Variants in CIRBP observed in about 807,000 individuals in gnomAD.
CIRBP encodes cold inducible RNA binding protein, also known as cold-inducible RNA-binding protein.
In CIRBP, 11 loss-of-function variants were observed where a neutral mutation model predicts 22.3. That is an observed-to-expected ratio of 0.49 (90% CI 0.31 to 0.82). The LOEUF is 0.82. Ranked by LOEUF, CIRBP falls within the 40% of genes least tolerant of loss-of-function variation. The pLI is 0.05. For synonymous variants in CIRBP, 216 were observed against 158.8 expected, an observed-to-expected ratio of 1.36 and a Z score of -2.71; for missense variants, 456 against 402.7, an observed-to-expected ratio of 1.13 and a Z score of -1.13.
chr19:1,269,937 G>A (rs368251559), intron 1 of CIRBP: 8 of 519,870 alleles, frequency 1.5e-5, no homozygotes, highest in Non-Finnish European at 3.1e-5. Context: ...GCCACGTCGT[G>A]CTTTGCGCCC....
chr19:1,274,431 C>T lies in CIRBP; in HGVS notation c.*1988C>T, dbSNP rs1461621709. The T allele has an allele frequency of 2.5e-6, 1 of 399,256 alleles. No individual in the cohort carries two copies. Among genetic ancestry groups the T allele is most frequent in the Non-Finnish European group, 4.4e-6 (1 of 225,388 alleles). 24.7% of individuals were successfully genotyped at this position (399,256 alleles called of 1,614,324 possible). Reference sequence around the variant, plus strand: ...TGGAGGCAGCCGCTTGCCCAGGAGGCTTGTCCCCTGTAAGTGCTTTCGGGA... The same window carrying T: ...TGGAGGCAGCCGCTTGCCCAGGAGGTTTGTCCCCTGTAAGTGCTTTCGGGA... On this transcript the variant is annotated 3_prime_UTR_variant, in exon 6 of 6. Coordinates refer to ENST00000587896, the MANE Select transcript of CIRBP (RefSeq NM_001300829.2).
rs2145526833 is a variant in CIRBP at position 1,271,033 on chromosome 19, G to A, written c.100G>A (p.Glu34Lys). 18 of 1,613,914 alleles carry A rather than the reference G, an allele frequency of 1.1e-5. No homozygotes were observed. Among genetic ancestry groups the A allele is most frequent in the Non-Finnish European group, 1.5e-5 (18 of 1,179,892 alleles). The change falls in exon 2 of 6, where the codon GAA becomes AAA. Residue 34 changes from glutamate to lysine, a missense_variant. By Grantham distance (56) the Glu-to-Lys change is moderately conservative. Coordinates refer to ENST00000587896, the MANE Select transcript of CIRBP (RefSeq NM_001300829.2). ...QVFSKYGQIS[E>K]VVVVKDRETQ... is the part of the protein sequence containing the mutation. ...CTTCTCAAAGTACGGACAGATCTCT[G>A]AAGGTGAGGCTGCTGCTGGGCCCGC...
chr19:1,271,624 C>T lies in CIRBP; in HGVS notation c.423C>T (p.Tyr141=), dbSNP rs750484380. The T allele has an allele frequency of 9.1e-6, 14 of 1,537,952 alleles. No homozygotes were observed. Among genetic ancestry groups the T allele is most frequent in the South Asian group, 4.8e-5 (4 of 84,104 alleles). ...RSGGYGGSRD[Y]YSSRSQSGGY... is the part of the protein sequence containing the mutation. ...GGGGCTACGGAGGCTCCAGAGACTACTATAGCAGGTGAGGGGGAGGCCGGC... is the reference window on the plus strand; with the variant it reads ...GGGGCTACGGAGGCTCCAGAGACTATTATAGCAGGTGAGGGGGAGGCCGGC... The change falls in exon 5 of 6, where the codon TAC becomes TAT. Residue 141 remains tyrosine, a synonymous_variant. Coordinates refer to ENST00000587896, the MANE Select transcript of CIRBP (RefSeq NM_001300829.2).
In CIRBP at chr19:1,272,490, A is replaced by G. The variant is rs2081359984; in HGVS notation, c.*47A>G. 1 of 1,432,678 alleles carries G rather than the reference A, an allele frequency of 7.0e-7. No homozygotes were observed. The highest frequency in any genetic ancestry group is 9.5e-7 in the Non-Finnish European group (1 of 1,057,168). 88.7% of individuals were successfully genotyped at this position (1,432,678 alleles called of 1,614,324 possible). A position where few individuals can be genotyped will look rare whatever the true frequency, so the allele number is the denominator to read the frequency against. Reference sequence around the variant, plus strand: ...GTCCTTCCAATGGCTGTGTGTTTAAAGATTGTGGGAGCTTCGCTGAACGTT... The same window carrying G: ...GTCCTTCCAATGGCTGTGTGTTTAAGGATTGTGGGAGCTTCGCTGAACGTT... On this transcript the variant is annotated 3_prime_UTR_variant, in exon 6 of 6. Coordinates refer to ENST00000587896, the MANE Select transcript of CIRBP (RefSeq NM_001300829.2).
rs1297490887 is a variant in CIRBP, at chr19:1,271,579, C to T, written c.378C>T (p.Asn126=). 23 of 1,576,192 alleles carry T rather than the reference C, an allele frequency of 1.5e-5. No individual in the cohort carries two copies. The highest frequency in any genetic ancestry group is 1.5e-5 in the Non-Finnish European group (18 of 1,162,816). ...RGGGDRGYGG[N]RFESRSGGYG... is the part of the protein sequence containing the mutation. The stretch of plus-strand genomic sequence containing the variant: ...GAGGGGACCGAGGCTATGGGGGGAA[C>T]CGGTTCGAGTCCAGGAGTGGGGGCT... The change falls in exon 5 of 6, where the codon AAC becomes AAT. Residue 126 remains asparagine (N), a synonymous_variant. Coordinates refer to ENST00000587896, the MANE Select transcript of CIRBP (RefSeq NM_001300829.2).
chr19:1,272,247 AGGGAGAGCGAGGG>A lies in CIRBP; in HGVS notation c.699_711del (p.Lys233AsnfsTer38). On this transcript the variant is annotated frameshift_variant, in exon 6 of 6. Transcript: ENST00000587896. LOFTEE classifies it low-confidence loss of function (END_TRUNC). The stretch of plus-strand genomic sequence containing the variant: ...CCAAATGAGACTGACCAAAAAGGCA[AGGGAGAGCGAGGG>A]CCCGCTGGGCAGTCAGCTAGGTGCA... 1 of 1,605,892 alleles carries A rather than the reference AGGGAGAGCGAGGG, an allele frequency of 6.2e-7. No individual in the cohort carries two copies. Among genetic ancestry groups the A allele is most frequent in the East Asian group, 2.2e-5 (1 of 44,824 alleles).
At position 1,272,147 on chromosome 19, in the gene CIRBP, A is replaced by G. The variant is rs1251978543; in HGVS notation, c.598A>G (p.Arg200Gly). 1.2e-6 allele frequency: 2 copies of G among 1,611,652 alleles called. No homozygotes were observed. The highest frequency in any genetic ancestry group is 1.3e-5 in the African/African-American group (1 of 74,912). ...TCCAAGCACTTTAGGCTGGACACTC[A>G]GACCTTGTCACTGTGCTTGCCCAGA... is the stretch of plus-strand genomic sequence containing the variant. ...PSPSTLGWTL[R>G]PCHCACPEEA... Residue 200 changes from arginine to glycine, a missense_variant, in exon 6 of 6, where the codon AGA becomes GGA. Coordinates refer to ENST00000587896, the MANE Select transcript of CIRBP (RefSeq NM_001300829.2).
Position 1,272,295 on chromosome 19 carries a change from G to A in CIRBP, c.746G>A (p.Arg249His), listed in dbSNP as rs751397471. ...AGQSARCMCG[R>H]RPASLGCGGW... Reference sequence around the variant, plus strand: ...CAGTCAGCTAGGTGCATGTGTGGCCGCAGGCCAGCCTCCCTCGGCTGTGGG... The same window carrying A: ...CAGTCAGCTAGGTGCATGTGTGGCCACAGGCCAGCCTCCCTCGGCTGTGGG... Residue 249 changes from arginine to histidine, a missense_variant, in exon 6 of 6, where the codon CGC becomes CAC. Physicochemically the swap from Arg to His is conservative, Grantham distance 29. Around this residue, in one of 2 missense-constraint regions of CIRBP, gnomAD observed 426 missense variants for 339.6 expected, o/e 1.25. Coordinates refer to ENST00000587896, the MANE Select transcript of CIRBP (RefSeq NM_001300829.2). 3.5e-5 allele frequency: 57 copies of A among 1,613,180 alleles called. No homozygotes were observed. Among genetic ancestry groups the A allele is most frequent in the African/African-American group, 2.9e-4 (22 of 75,066 alleles).
rs753456240 is a variant in CIRBP, at chr19:1,272,092, G to A, written c.543G>A (p.Ala181=). The change falls in exon 6 of 6, where the codon GCG becomes GCA. Residue 181 remains alanine, a synonymous_variant. Coordinates refer to ENST00000587896, the MANE Select transcript of CIRBP (RefSeq NM_001300829.2). ...AGGGCGCCACGCTGCTGTGGCCTGC[G>A]GTGGGAGCTCGGTTCACCTTGGTGC... The part of the protein sequence containing the change: ...HSEGATLLWP[A]VGARFTLVPS... 8.7e-6 allele frequency: 14 copies of A among 1,613,956 alleles called. No homozygotes were observed. The highest frequency in any genetic ancestry group is 4.5e-5 in the East Asian group (2 of 44,904).
At chr19:1,270,371 G>C in intron 1 of CIRBP, 1 of 344,770 alleles carries the variant, frequency 2.9e-6, no homozygotes, top group Non-Finnish European at 5.8e-6. Flanking sequence ...GTCCTGCCCA[G>C]GGCACAACTG....
Position 1,272,318 on chromosome 19 carries a change from G to T in CIRBP, c.769G>T (p.Gly257Trp), listed in dbSNP as rs757459110. 6.2e-7 allele frequency: 1 copy of T among 1,613,630 alleles called. No individual in the cohort carries two copies. The highest frequency in any genetic ancestry group is 1.1e-5 in the South Asian group (1 of 91,056). ...CCGCAGGCCAGCCTCCCTCGGCTGT[G>T]GGGGGTGGTTGCTCCCCGGCCGCAG... Reference protein sequence around the residue: ...CGRRPASLGCGGWLLPGRRPR... With the variant: ...CGRRPASLGCWGWLLPGRRPR... Residue 257 changes from glycine (G) to tryptophan (W), a missense_variant, in exon 6 of 6, where the codon GGG becomes TGG. Around this residue, in one of 2 missense-constraint regions of CIRBP, gnomAD observed 426 missense variants for 339.6 expected, o/e 1.25. Transcript: ENST00000587896.
At chr19:1,271,059 G>C in intron 2 of CIRBP, 23 bp downstream of exon 2, 1 of 1,611,456 alleles carries the variant, frequency 6.2e-7, no homozygotes. Context: ...CTGGGCCCGC[G>C]GCCCTGGGCG....
chr19:1,271,370 G>A lies in CIRBP; in HGVS notation c.252G>A (p.Lys84=). The A allele has an allele frequency of 2.5e-6, 4 of 1,613,964 alleles. No homozygotes were observed. Among genetic ancestry groups the A allele is most frequent in the Non-Finnish European group, 3.4e-6 (4 of 1,180,026 alleles). The change falls in exon 4 of 6, where the codon AAG becomes AAA. Residue 84 remains lysine (K), a synonymous_variant. Coordinates refer to ENST00000587896, the MANE Select transcript of CIRBP (RefSeq NM_001300829.2). ...GRQIRVDQAG[K]SSDNRSRGYR... ...AGATCCGAGTAGACCAGGCAGGCAA[G>A]TCGTCAGACAACCGATCCCGTGGGT...
chr19:1,272,379 C>T lies in CIRBP; in HGVS notation c.830C>T (p.Pro277Leu), dbSNP rs369794641. Residue 277 changes from proline (P) to leucine (L), a missense_variant, in exon 6 of 6, where the codon CCT (proline) becomes CTT (leucine). Pro to Leu is a moderately conservative substitution (Grantham distance 98). Coordinates refer to ENST00000587896, the MANE Select transcript of CIRBP (RefSeq NM_001300829.2). Reference protein sequence around the residue: ...RPGLASGVKLPLVASVPLHCA... With the variant: ...RPGLASGVKLLLVASVPLHCA... ...GGTCTGGCCTCTGGGGTGAAGCTGC[C>T]TCTTGTTGCTTCGGTGCCTTTACAC... 3.2e-5 allele frequency: 52 copies of T among 1,602,410 alleles called. No individual in the cohort carries two copies. Among genetic ancestry groups the T allele is most frequent in the Non-Finnish European group, 3.8e-5 (45 of 1,175,142 alleles).
At chr19:1,270,741 A>C (rs767247797) in intron 1 of CIRBP, 187 bp from the exon 2 acceptor site, 4 of 577,558 alleles carry the variant, frequency 6.9e-6, no homozygotes, top group Non-Finnish European at 1.2e-5. Flanking sequence ...AGTCTGGGTG[A>C]CAGTTAGACA....
Position 1,272,644 on chromosome 19 carries a change from G to A in CIRBP, c.*201G>A. ...TTACTAGACTTTTCTTTTTAAGGAA[G>A]TGCTGTTTTTTTTTGAGGGTTTTCA... is the stretch of plus-strand genomic sequence containing the variant. On this transcript the variant is annotated 3_prime_UTR_variant, in exon 6 of 6. Transcript: ENST00000587896. 4.5e-6 allele frequency: 2 copies of A among 446,446 alleles called. No individual in the cohort carries two copies. The highest frequency in any genetic ancestry group is 4.0e-6 in the Non-Finnish European group (1 of 249,676). The allele number at this position is 446,446 out of a possible 1,614,324, so 27.7% of individuals were successfully genotyped here.
At chr19:1,270,198 G>GC (rs1325781872) in intron 1 of CIRBP, 14 of 457,504 alleles carry the variant, frequency 3.1e-5, no homozygotes, top group Admixed American at 1.1e-4. Context: ...GCCCTGAGGT[G>GC]CCCCCCAGGA....
intron 1 of CIRBP, among the ~76,000 whole-genome samples, chr19:1,270,449 G>T (rs570458085): frequency 6.6e-6 from 1 of 152,240 alleles, no homozygotes; most frequent in Non-Finnish European, 1.5e-5. Context: ...TCTTGGGGGT[G>T]GATGGAGTAA....
In CIRBP at chr19:1,269,382, C is replaced by G. The variant is rs1037623239; in HGVS notation, c.-35C>G. Reference sequence around the variant, plus strand: ...GTCGTTGTGGTGCGCTGTCTTCCCGCTTGCGTCAGGGACCTGCCCGACTCA... The same window carrying G: ...GTCGTTGTGGTGCGCTGTCTTCCCGGTTGCGTCAGGGACCTGCCCGACTCA... On this transcript the variant is annotated 5_prime_UTR_variant, in exon 1 of 6. Transcript: ENST00000587896. The G allele has an allele frequency of 6.6e-6, 1 of 152,006 alleles. No homozygotes were observed. The highest frequency in any genetic ancestry group is 1.5e-5 in the Non-Finnish European group (1 of 67,990). The allele number at this position is 152,006 out of a possible 1,614,324, so 9.4% of individuals were successfully genotyped here. A position where few individuals can be genotyped will look rare whatever the true frequency, so the allele number is the denominator to read the frequency against.
Sources: allele counts gnomAD v4.1 joint callset (sites outside exome capture counted in the v4.1 genomes callset), GRCh38; gene constraint gnomAD v4.1.1; regional missense constraint gnomAD v4.1.1; transcripts MANE v1.5; gene names NCBI Gene and HGNC (gene_info 2026-07-23, HGNC 2026-07-21).